The following ARHGAP24 variants were observed in gnomAD, a reference collection of about 807,000 sequenced individuals.
The protein encoded by ARHGAP24 is Rho GTPase activating protein 24.
Under a neutral mutation model 76.4 loss-of-function variants are expected in ARHGAP24, and 50 were observed. That is an observed-to-expected ratio of 0.65 (90% CI 0.52 to 0.83). ARHGAP24 has a LOEUF of 0.83. Among genes scored for constraint, ARHGAP24 ranks in the 40% least tolerant of loss-of-function variants. The probability of loss-of-function intolerance (pLI) is 0.00; values close to 1 mark genes in which losing one functional copy is unlikely to be tolerated. For missense variants in ARHGAP24, 930 were observed against 914.2 expected (o/e 1.02, Z -0.22); for synonymous variants, 345 against 323.3 (o/e 1.07, Z -0.72).
intron 5 of ARHGAP24, among the ~76,000 whole-genome samples, chr4:85,959,985 T>C (rs1319680502): frequency 2.0e-5 from 3 of 152,188 alleles, no homozygotes; most frequent in East Asian, 1.9e-4. Flanking sequence ...AACCAGAGGC[T>C]TAGTTACTGA....
rs185260069 is a variant in ARHGAP24 at position 85,688,436 on chromosome 4, G to A, written c.181-33449G>A. 2.0e-5 allele frequency among the ~76,000 whole-genome samples: 3 copies of A among 152,028 alleles called. No individual in the cohort carries two copies. The East Asian group carries it at 5.8e-4, about 29-fold the overall frequency. ...AAATGGGATTATTTGTTTTCTGCTTGTTATTTTGTTTAAGTTCCTTATAAA... is the reference window on the plus strand; with the variant it reads ...AAATGGGATTATTTGTTTTCTGCTTATTATTTTGTTTAAGTTCCTTATAAA... On this transcript the variant is annotated intron_variant, in intron 2 of 9. Coordinates refer to ENST00000395184, the MANE Select transcript of ARHGAP24 (RefSeq NM_001025616.3).
chr4:85,488,754 G>A (rs1723246860), intron 1 of ARHGAP24, among the ~76,000 whole-genome samples: 2 of 151,982 alleles, frequency 1.3e-5, no homozygotes, highest in South Asian at 4.2e-4. Flanking sequence ...CAACTAGAAG[G>A]GTACTAGTTA....
chr4:85,847,349 T>C (rs1012097734), intron 3 of ARHGAP24, among the ~76,000 whole-genome samples: 1 of 152,194 alleles, frequency 6.6e-6, no homozygotes, highest in Non-Finnish European at 1.5e-5. Context: ...ATAAAGTCTG[T>C]GCCCTCAACA....
chr4:85,699,805 G>A (rs1724007093), intron 2 of ARHGAP24, among the ~76,000 whole-genome samples: 1 of 151,970 alleles, frequency 6.6e-6, no homozygotes, highest in South Asian at 2.1e-4. Flanking sequence ...CTCCCATTAA[G>A]TATACGATCC....
At chr4:85,570,893 C>T (rs1727113558) in intron 2 of ARHGAP24, 172 bp downstream of exon 2, 1 of 726,150 alleles carries the variant, frequency 1.4e-6, no homozygotes, top group Non-Finnish European at 2.2e-6. Context: ...ATAATAAAAT[C>T]GCTAATTGAG....
intron 3 of ARHGAP24, among the ~76,000 whole-genome samples, chr4:85,740,037 C>G (rs915860212): frequency 6.6e-6 from 1 of 152,100 alleles, no homozygotes; most frequent in Non-Finnish European, 1.5e-5. Flanking sequence ...TTTTTCAGAT[C>G]GATGGCCTTT....
intron 1 of ARHGAP24, among the ~76,000 whole-genome samples, chr4:85,535,342 A>G (rs1031240625): frequency 1.3e-5 from 2 of 152,226 alleles, no homozygotes; most frequent in Non-Finnish European, 2.9e-5. Context: ...TCAACTGGAT[A>G]ACATACAACT....
chr4:85,959,697 T>C (rs1045390738), intron 5 of ARHGAP24, among the ~76,000 whole-genome samples: 1 of 152,174 alleles, frequency 6.6e-6, no homozygotes, highest in Non-Finnish European at 1.5e-5. Context: ...ATATGTTTAA[T>C]TTCCTTTGGG....
intron 3 of ARHGAP24, among the ~76,000 whole-genome samples, chr4:85,900,254 A>T (rs72972032): frequency 6.6e-6 from 1 of 152,186 alleles, no homozygotes; most frequent in Non-Finnish European, 1.5e-5. Flanking sequence ...CTATCAGTAT[A>T]TGTTCTCCCC....
chr4:85,906,896 A>G (rs546143032), intron 3 of ARHGAP24, among the ~76,000 whole-genome samples: 10 of 152,256 alleles, frequency 6.6e-5, no homozygotes, highest in African/African-American at 1.7e-4. Context: ...AGTCCACTCT[A>G]TTTGTAAATT....
chr4:85,969,836 A>G (rs1230672646), intron 5 of ARHGAP24, among the ~76,000 whole-genome samples: 1 of 152,182 alleles, frequency 6.6e-6, no homozygotes, highest in Non-Finnish European at 1.5e-5. Flanking sequence ...AGTTTTAGGA[A>G]TTAATGAGGA....
At chr4:85,512,349 A>G (rs113746675) in intron 1 of ARHGAP24, among the ~76,000 whole-genome samples, 84 of 152,326 alleles carry the variant, frequency 5.5e-4, no homozygotes, top group African/African-American at 1.7e-3. Flanking sequence ...CCATTTGTTT[A>G]GTCACTATTA....
At chr4:85,874,566 AAAACGTTAGT>A (rs1732715350) in intron 3 of ARHGAP24, among the ~76,000 whole-genome samples, 2 of 151,950 alleles carry the variant, frequency 1.3e-5, no homozygotes, top group East Asian at 3.9e-4. Context: ...TGACTGCTTC[AAAACGTTAGT>A]ATTCTGGGGA....
intron 2 of ARHGAP24, among the ~76,000 whole-genome samples, chr4:85,632,889 T>G (rs188636734): frequency 6.6e-6 from 1 of 152,126 alleles, no homozygotes; most frequent in African/African-American, 2.4e-5. Flanking sequence ...AGGATGCTAA[T>G]TACCCCAGGA....
At chr4:85,477,885 C>T (rs1395617690) in intron 1 of ARHGAP24, among the ~76,000 whole-genome samples, 4 of 152,174 alleles carry the variant, frequency 2.6e-5, no homozygotes, top group African/African-American at 9.7e-5. Flanking sequence ...GCTGTAGCAC[C>T]GTCTTAGTCG....
At chr4:85,597,238 A>G (rs899240014) in intron 2 of ARHGAP24, among the ~76,000 whole-genome samples, 1 of 152,126 alleles carries the variant, frequency 6.6e-6, no homozygotes, top group Non-Finnish European at 1.5e-5. Flanking sequence ...GGTTGTCAGG[A>G]ACATAAAAGA....
chr4:85,911,105 AG>A (rs1478761152), intron 3 of ARHGAP24, among the ~76,000 whole-genome samples: 1 of 152,190 alleles, frequency 6.6e-6, no homozygotes, highest in Non-Finnish European at 1.5e-5. Context: ...CTGCAGCTGC[AG>A]TTTGGATGGC....
intron 2 of ARHGAP24, among the ~76,000 whole-genome samples, chr4:85,647,914 T>C (rs1321836850): frequency 6.6e-6 from 1 of 152,180 alleles, no homozygotes; most frequent in Non-Finnish European, 1.5e-5. Context: ...GTGTCTGTTT[T>C]CCCCAACTAG....
chr4:85,971,418 A>G (rs2148850639), intron 5 of ARHGAP24, among the ~76,000 whole-genome samples: 1 of 152,298 alleles, frequency 6.6e-6, no homozygotes, highest in East Asian at 1.9e-4. Context: ...GCTTACCATC[A>G]AATACACATA....
Sources: gnomAD v4.1 joint callset for allele counts (sites outside exome capture counted in the v4.1 genomes callset) on GRCh38, gnomAD v4.1.1 for gene constraint, MANE v1.5 for transcripts, NCBI Gene and HGNC (gene_info 2026-07-23, HGNC 2026-07-21) for gene names.